The following PDE6C variants were observed in gnomAD, a reference collection of about 807,000 sequenced individuals.
PDE6C encodes cone cGMP-specific 3',5'-cyclic phosphodiesterase subunit alpha'.
In PDE6C, 75 loss-of-function variants were observed where a neutral mutation model predicts 113.1. The observed-to-expected ratio is 0.66, with a 90% CI of 0.55 to 0.80. PDE6C has a LOEUF of 0.80. Among genes scored for constraint, PDE6C ranks in the 30% least tolerant of loss-of-function variants. The pLI, the probability that PDE6C is intolerant of heterozygous loss-of-function variation, is 0.00. For synonymous variants in PDE6C, 375 were observed against 363.7 expected, an observed-to-expected ratio of 1.03 and a Z score of -0.35; for missense variants, 912 against 1,038.6, an observed-to-expected ratio of 0.88 and a Z score of 1.67.
chr10:93,635,719 T>C, intron 10 of PDE6C, 79 bp downstream of exon 10: 1 of 1,458,272 alleles, frequency 6.9e-7, no homozygotes, highest in East Asian at 2.3e-5. Flanking sequence ...TACCCAGGGG[T>C]CTGACAAATG....
At chr10:93,646,791 C>A (rs1319252204) in intron 15 of PDE6C, among the ~76,000 whole-genome samples, 1 of 152,196 alleles carries the variant, frequency 6.6e-6, no homozygotes. Flanking sequence ...TCACCTCCCA[C>A]CAGGACCCAC....
intron 1 of PDE6C, among the ~76,000 whole-genome samples, chr10:93,618,563 G>A (rs2058431052): frequency 6.6e-6 from 1 of 152,200 alleles, no homozygotes; most frequent in African/African-American, 2.4e-5. Context: ...GATCTGGAGT[G>A]AGGGGCTGCC....
chr10:93,660,859 T>C (rs1006878673), intron 18 of PDE6C, among the ~76,000 whole-genome samples: 1 of 152,052 alleles, frequency 6.6e-6, no homozygotes, highest in Non-Finnish European at 1.5e-5. Flanking sequence ...AGCCTCCTAA[T>C]AGATGCTCAC....
At position 93,662,128 on chromosome 10, in the gene PDE6C, C is replaced by T; in HGVS notation, c.2278C>T (p.Pro760Ser). The change falls in exon 19 of 22, where the codon CCC becomes TCC. Residue 760 changes from proline to serine, a missense_variant. By Grantham distance (74) the Pro-to-Ser change is moderately conservative. Coordinates refer to ENST00000371447, the MANE Select transcript of PDE6C (RefSeq NM_006204.4). ...GGAGAGAACAGTGTTGCAGCAACAACCCATTGTAAGACCTTGACATAAAAA... is the reference window on the plus strand; with the variant it reads ...GGAGAGAACAGTGTTGCAGCAACAATCCATTGTAAGACCTTGACATAAAAA... ...DLERTVLQQQ[P>S]IPMMDRNKRD... 1 of 1,597,376 alleles carries T rather than the reference C, an allele frequency of 6.3e-7. No individual in the cohort carries two copies. The highest frequency in any genetic ancestry group is 8.6e-7 in the Non-Finnish European group (1 of 1,164,918).
intron 20 of PDE6C, 130 bp downstream of exon 20, chr10:93,662,773 T>C: frequency 1.5e-6 from 1 of 686,460 alleles, no homozygotes. Flanking sequence ...TCCAAAGCAG[T>C]TTGAGGTTTT....
intron 15 of PDE6C, among the ~76,000 whole-genome samples, chr10:93,648,894 G>A (rs11187571): frequency 0.46 from 70,465 of 152,074 alleles, 17,281 homozygotes; most frequent in Non-Finnish European, 0.54. Context: ...AACCGCATCA[G>A]CCTGCCCCAT....
intron 1 of PDE6C, among the ~76,000 whole-genome samples, chr10:93,615,474 C>T (rs560068767): frequency 3.9e-5 from 6 of 152,116 alleles, no homozygotes; most frequent in African/African-American, 4.8e-5. Flanking sequence ...CTCTGCCTCC[C>T]GGGTTCAAGC....
At chr10:93,633,010 G>A (rs763995766) in intron 8 of PDE6C, among the ~76,000 whole-genome samples, 2 of 152,200 alleles carry the variant, frequency 1.3e-5, no homozygotes, top group East Asian at 1.9e-4. Context: ...CTTAACAGGG[G>A]CCTGTAAGGA....
rs2058566355 is a variant in PDE6C at position 93,642,806 on chromosome 10, G to A, written c.1847+1777G>A. 3.9e-5 allele frequency among the ~76,000 whole-genome samples: 6 copies of A among 152,190 alleles called. No individual in the cohort carries two copies. The South Asian group carries it at 1.0e-3, about 26-fold the overall frequency. ...CATATATAATTTCATTGAGCGAAAA[G>A]CACTTTGTAAGCAGTGACTCCTCAT... is the stretch of plus-strand genomic sequence containing the variant. On this transcript the variant is annotated intron_variant, in intron 14 of 21. Transcript: ENST00000371447.
rs1296489141 is a variant in PDE6C at position 93,634,821 on chromosome 10, A to C, written c.1183A>C (p.Lys395Gln). The C allele has an allele frequency of 6.2e-7, 1 of 1,614,156 alleles. No individual in the cohort carries two copies. The highest frequency in any genetic ancestry group is 8.5e-7 in the Non-Finnish European group (1 of 1,179,986). Residue 395 changes from lysine (K) to glutamine (Q), a missense_variant, in exon 9 of 22, where the codon AAG (lysine) becomes CAG (glutamine). Transcript: ENST00000371447. ...TGTTTTGTCCCTGCCTATTGTCAAC[A>C]AGAAAGAAGATATTGTGGGAGTGGC... ...KNVLSLPIVNKKEDIVGVATF... is the reference protein window; with the variant it reads ...KNVLSLPIVNQKEDIVGVATF...
intron 14 of PDE6C, among the ~76,000 whole-genome samples, chr10:93,644,676 C>T (rs2058574490): frequency 6.6e-6 from 1 of 150,844 alleles, no homozygotes; most frequent in South Asian, 2.1e-4. Flanking sequence ...TATATTTGTA[C>T]CCATTAATCA....
rs41290222 is a variant in PDE6C at position 93,658,951 on chromosome 10, C to T, written c.2087C>T (p.Thr696Met). 761 of 1,612,974 alleles carry T rather than the reference C, an allele frequency of 4.7e-4. 2 individuals are homozygous for T. In the Middle Eastern group the frequency reaches 6.8e-3, roughly 14 times the overall value. ...GTTGATGCCTGTGAACAAATGCAAA[C>T]GGAAGAAGAAGCCATCAAATATGTA... ...KIVDACEQMQTEEEAIKYVTV... is the reference protein window; with the variant it reads ...KIVDACEQMQMEEEAIKYVTV... Residue 696 changes from threonine (T) to methionine (M), a missense_variant, in exon 17 of 22, where the codon ACG becomes ATG. Transcript: ENST00000371447.
chr10:93,646,809 A>G (rs1361824187), intron 15 of PDE6C, among the ~76,000 whole-genome samples: 3 of 152,308 alleles, frequency 2.0e-5, no homozygotes, highest in East Asian at 1.9e-4. Flanking sequence ...CACTTCCAAC[A>G]TTGGGGATTA....
intron 4 of PDE6C, among the ~76,000 whole-genome samples, chr10:93,622,660 TTG>T (rs1491036090): frequency 1.4e-4 from 10 of 70,496 alleles, no homozygotes; most frequent in African/African-American, 5.0e-4. Flanking sequence ...GTTTTTTTTT[TTG>T]TTGTTTTTTT....
At chr10:93,658,809 T>C in intron 16 of PDE6C, 92 bp from the exon 17 acceptor site, 1 of 784,764 alleles carries the variant, frequency 1.3e-6, no homozygotes, top group South Asian at 1.5e-5. Flanking sequence ...CAATGCAAAG[T>C]GGGAACGTGA....
At chr10:93,622,253 T>C (rs532550213) in intron 4 of PDE6C, among the ~76,000 whole-genome samples, 181 bp downstream of exon 4, 1 of 151,700 alleles carries the variant, frequency 6.6e-6, no homozygotes, top group South Asian at 2.1e-4. Flanking sequence ...TCTTGGTTTT[T>C]CCACTTCCTA....
At chr10:93,644,615 G>A (rs890562817) in intron 14 of PDE6C, among the ~76,000 whole-genome samples, 2 of 151,308 alleles carry the variant, frequency 1.3e-5, no homozygotes, top group Non-Finnish European at 2.9e-5. Context: ...GTTTGCTATA[G>A]TTACTCTGTT....
In PDE6C at chr10:93,665,521, GA is replaced by G; in HGVS notation, c.*108del. The G allele has an allele frequency of 1.2e-6, 1 of 808,600 alleles. No individual in the cohort carries two copies. The highest frequency in any genetic ancestry group is 1.4e-5 in the South Asian group (1 of 70,542). 50.1% of individuals were successfully genotyped at this position (808,600 alleles called of 1,614,324 possible). ...AAATCATCACGTAACAGGATCTTCAGAAAAACTACCCTGTGACTATGAAGAA... is the reference window on the plus strand; with the variant it reads ...AAATCATCACGTAACAGGATCTTCAGAAAACTACCCTGTGACTATGAAGAA... On this transcript the variant is annotated 3_prime_UTR_variant, in exon 22 of 22. Coordinates refer to ENST00000371447, the MANE Select transcript of PDE6C (RefSeq NM_006204.4).
chr10:93,646,252 T>C (rs1394578177), intron 15 of PDE6C, among the ~76,000 whole-genome samples: 5 of 152,090 alleles, frequency 3.3e-5, no homozygotes, highest in South Asian at 2.1e-4. Context: ...AAGAGAGCCA[T>C]GGAAAGTCAC....
Sources: gnomAD v4.1 joint callset for allele counts (sites outside exome capture counted in the v4.1 genomes callset) on GRCh38, gnomAD v4.1.1 for gene constraint, MANE v1.5 for transcripts, NCBI Gene and HGNC (gene_info 2026-07-23, HGNC 2026-07-21) for gene names.